Variants in RBFOX1 observed in about 807,000 individuals in gnomAD.
RBFOX1 encodes the protein RNA binding protein fox-1 homolog 1.
RBFOX1 carries 8 observed loss-of-function variants against 57.7 expected under a neutral mutation model. The observed-to-expected ratio is 0.14, with a 90% CI of 0.08 to 0.25. The LOEUF (loss-of-function observed/expected upper bound fraction) is 0.25. Among genes scored for constraint, RBFOX1 ranks in the 10% least tolerant of loss-of-function variants. RBFOX1 has a pLI of 1.00. For missense variants in RBFOX1, 611 were observed against 548.5 expected (o/e 1.11, Z -1.14); for synonymous variants, 326 against 222.4 (o/e 1.47, Z -4.15).
At chr16:5,617,239 T>G (rs140397297) in intron 3 of RBFOX1, among the ~76,000 whole-genome samples, 1 of 152,178 alleles carries the variant, frequency 6.6e-6, no homozygotes, top group Non-Finnish European at 1.5e-5. Context: ...CACATGGCAT[T>G]CCTCTAACTT....
intron 2 of RBFOX1, among the ~76,000 whole-genome samples, chr16:6,502,349 A>C (rs547428358): frequency 6.6e-6 from 1 of 152,256 alleles, no homozygotes; most frequent in South Asian, 2.1e-4. Context: ...GTTCCCTAGG[A>C]AAATCCCAAG....
At chr16:5,512,397 C>T (rs1266720689) in intron 2 of RBFOX1, among the ~76,000 whole-genome samples, 1 of 149,134 alleles carries the variant, frequency 6.7e-6, no homozygotes, top group African/African-American at 2.5e-5. Context: ...CTCTCTTCTT[C>T]TTCCTCCTAC....
chr16:6,750,112 T>C (rs1229764335), intron 3 of RBFOX1, among the ~76,000 whole-genome samples: 1 of 152,206 alleles, frequency 6.6e-6, no homozygotes, highest in Non-Finnish European at 1.5e-5. Flanking sequence ...TTTCTGTTAC[T>C]GTCAGAACTG....
chr16:6,367,963 A>G (rs1486886865), intron 2 of RBFOX1, among the ~76,000 whole-genome samples: 1 of 152,190 alleles, frequency 6.6e-6, no homozygotes, highest in Non-Finnish European at 1.5e-5. Context: ...CAATGTCAGT[A>G]TGGCAGGTAG....
At chr16:7,359,365 T>C (rs2097276352) in intron 4 of RBFOX1, among the ~76,000 whole-genome samples, 1 of 150,402 alleles carries the variant, frequency 6.6e-6, no homozygotes, top group Non-Finnish European at 1.5e-5. Context: ...TCTAATTGTG[T>C]GTATATCTGT....
chr16:7,698,515 A>G (rs990583219), intron 14 of RBFOX1, among the ~76,000 whole-genome samples: 6 of 152,014 alleles, frequency 3.9e-5, no homozygotes, highest in Non-Finnish European at 1.5e-5. Context: ...TCATTTTTCT[A>G]TCCCCACTTC....
intron 5 of RBFOX1, among the ~76,000 whole-genome samples, chr16:7,533,891 G>A (rs1293259360): frequency 1.3e-5 from 2 of 152,060 alleles, no homozygotes; most frequent in Non-Finnish European, 2.9e-5. Flanking sequence ...AGTAATAATG[G>A]TGTTGGGCAA....
intron 2 of RBFOX1, among the ~76,000 whole-genome samples, chr16:6,505,855 T>A (rs1342216456): frequency 6.6e-6 from 1 of 152,104 alleles, no homozygotes; most frequent in Non-Finnish European, 1.5e-5. Flanking sequence ...AGTGTTGGGG[T>A]AAGGAGCTGG....
intron 3 of RBFOX1, among the ~76,000 whole-genome samples, chr16:6,990,138 C>G (rs1379842041): frequency 6.6e-6 from 1 of 152,122 alleles, no homozygotes; most frequent in African/African-American, 2.4e-5. Context: ...GTAAACGTGC[C>G]CAACACACAG....
chr16:7,366,225 A>C (rs941881219), intron 4 of RBFOX1, among the ~76,000 whole-genome samples: 17 of 152,188 alleles, frequency 1.1e-4, no homozygotes, highest in Non-Finnish European at 4.4e-5. Flanking sequence ...CTGCCATTGC[A>C]TGTTCTCTTA....
At chr16:6,755,521 C>G (rs1299639355) in intron 3 of RBFOX1, among the ~76,000 whole-genome samples, 2 of 152,128 alleles carry the variant, frequency 1.3e-5, no homozygotes, top group Non-Finnish European at 2.9e-5. Flanking sequence ...GCCAAGATAA[C>G]CCGTCAGAAC....
At position 7,709,093 on chromosome 16, in the gene RBFOX1, G is replaced by T. The variant is rs150941982; in HGVS notation, c.1033G>T (p.Ala345Ser). Residue 345 changes from alanine to serine, a missense_variant, in exon 15 of 16, where the codon GCA (alanine) becomes TCA (serine). Ala to Ser is a moderately conservative substitution (Grantham distance 99). Around this residue, in one of 3 missense-constraint regions of RBFOX1, gnomAD observed 267 missense variants for 229.1 expected, o/e 1.17. Coordinates refer to ENST00000550418, the MANE Select transcript of RBFOX1 (RefSeq NM_018723.4). Reference sequence around the variant, plus strand: ...TTATGCTGCCGACCCCTACCACCACGCACTTGCTCCAGCCCCCACCTACGG... The same window carrying T: ...TTATGCTGCCGACCCCTACCACCACTCACTTGCTCCAGCCCCCACCTACGG... ...RVYAADPYHH[A>S]LAPAPTYGVG... The T allele has an allele frequency of 1.2e-6, 2 of 1,613,588 alleles. No individual in the cohort carries two copies. The highest frequency in any genetic ancestry group is 1.7e-6 in the Non-Finnish European group (2 of 1,179,810).
intron 2 of RBFOX1, among the ~76,000 whole-genome samples, chr16:6,341,367 A>G (rs560010545): frequency 2.6e-5 from 4 of 152,126 alleles, no homozygotes; most frequent in East Asian, 3.9e-4. Flanking sequence ...GTTCTTCTCC[A>G]TCTTGTATAG....
chr16:7,240,157 G>C (rs1484919141), intron 4 of RBFOX1, among the ~76,000 whole-genome samples: 1 of 152,048 alleles, frequency 6.6e-6, no homozygotes, highest in Non-Finnish European at 1.5e-5. Flanking sequence ...AGTAGCGAAA[G>C]GGTTTCACCA....
chr16:5,791,834 GC>G (rs959695316), intron 3 of RBFOX1, among the ~76,000 whole-genome samples: 6 of 152,294 alleles, frequency 3.9e-5, no homozygotes, highest in African/African-American at 1.4e-4. Context: ...AGGCCACTTT[GC>G]TCTCTGGAAA....
intron 2 of RBFOX1, among the ~76,000 whole-genome samples, chr16:5,550,583 A>T (rs1219938892): frequency 6.6e-6 from 1 of 152,204 alleles, no homozygotes; most frequent in Non-Finnish European, 1.5e-5. Context: ...GTAGTCATTG[A>T]CATGATGTTG....
downstream of RBFOX1, among the ~76,000 whole-genome samples, chr16:5,603,629 C>T (rs549718866): frequency 1.5e-3 from 232 of 152,320 alleles, 1 homozygote; most frequent in African/African-American, 5.3e-3. Flanking sequence ...CAAATACAGC[C>T]ACACTTTCCT....
At chr16:5,321,174 A>G (rs1165284798) in intron 1 of RBFOX1, among the ~76,000 whole-genome samples, 1 of 152,144 alleles carries the variant, frequency 6.6e-6, no homozygotes, top group African/African-American at 2.4e-5. Flanking sequence ...GCTGAACAGC[A>G]TCTCTGGCCT....
At chr16:5,847,719 G>A (rs1049961584) in intron 3 of RBFOX1, among the ~76,000 whole-genome samples, 4 of 152,036 alleles carry the variant, frequency 2.6e-5, no homozygotes, top group African/African-American at 9.7e-5. Flanking sequence ...CAGTTGTGTG[G>A]TCTGGACTGG....
Sources: allele counts gnomAD v4.1 joint callset (sites outside exome capture counted in the v4.1 genomes callset), GRCh38; gene constraint gnomAD v4.1.1; regional missense constraint gnomAD v4.1.1; transcripts MANE v1.5; gene names NCBI Gene and HGNC (gene_info 2026-07-23, HGNC 2026-07-21).